ZNF385B: variants seen among roughly 807,000 people sequenced by gnomAD.
ZNF385B encodes zinc finger protein 533.
Under a neutral mutation model 39.2 loss-of-function variants are expected in ZNF385B, and 23 were observed. The ratio of observed to expected loss-of-function variants is 0.59; its 90% CI spans 0.42 to 0.83. ZNF385B has a LOEUF of 0.83. Ranked by LOEUF, ZNF385B falls within the 40% of genes least tolerant of loss-of-function variation. The pLI is 0.00. For missense variants in ZNF385B, 552 were observed against 598.9 expected (o/e 0.92, Z 0.82); for synonymous variants, 205 against 222.6 (o/e 0.92, Z 0.70).
At chr2:179,649,313 T>C (rs1693007712) in intron 3 of ZNF385B, among the ~76,000 whole-genome samples, 1 of 152,350 alleles carries the variant, frequency 6.6e-6, no homozygotes, top group East Asian at 1.9e-4. Flanking sequence ...TATCTATCTA[T>C]ATTAGGGCAA....
intron 6 of ZNF385B, among the ~76,000 whole-genome samples, chr2:179,464,697 A>C (rs1354686697): frequency 6.6e-6 from 1 of 152,070 alleles, no homozygotes; most frequent in Non-Finnish European, 1.5e-5. Context: ...GTTCTGTTCC[A>C]TTAGTCTATA....
At chr2:179,727,693 C>G (rs1701108765) in intron 3 of ZNF385B, among the ~76,000 whole-genome samples, 1 of 151,870 alleles carries the variant, frequency 6.6e-6, no homozygotes, top group Non-Finnish European at 1.5e-5. Context: ...TGAATATGAC[C>G]AAATAAAAAC....
intron 1 of ZNF385B, among the ~76,000 whole-genome samples, chr2:179,782,419 A>G (rs987530184): frequency 2.0e-5 from 3 of 152,256 alleles, no homozygotes; most frequent in East Asian, 3.9e-4. Flanking sequence ...ATTAAAAACC[A>G]GCACAAGACA....
intron 3 of ZNF385B, among the ~76,000 whole-genome samples, chr2:179,592,994 T>C (rs888186013): frequency 6.6e-6 from 1 of 152,122 alleles, no homozygotes; most frequent in African/African-American, 2.4e-5. Flanking sequence ...GAGCTTTATC[T>C]ATCCAACCCA....
chr2:179,473,494 A>C (rs892775316), intron 6 of ZNF385B, among the ~76,000 whole-genome samples: 2 of 152,054 alleles, frequency 1.3e-5, no homozygotes, highest in Non-Finnish European at 2.9e-5. Flanking sequence ...TCCTTACAAC[A>C]ATCCTAGGAG....
intron 3 of ZNF385B, among the ~76,000 whole-genome samples, chr2:179,619,663 C>T (rs1349468404): frequency 6.6e-6 from 1 of 152,180 alleles, no homozygotes; most frequent in Non-Finnish European, 1.5e-5. Context: ...TATGCAGTCA[C>T]TGAAAAGGTA....
At chr2:179,798,331 G>A (rs528381771) in intron 1 of ZNF385B, among the ~76,000 whole-genome samples, 12 of 151,952 alleles carry the variant, frequency 7.9e-5, no homozygotes, top group South Asian at 2.1e-4. Flanking sequence ...AGTGGGACAC[G>A]CCTTTTAAAT....
chr2:179,860,885 AG>A, intron 1 of ZNF385B: 1 of 203,290 alleles, frequency 4.9e-6, no homozygotes, highest in South Asian at 8.4e-5. Context: ...CGCAGGAGTT[AG>A]GATTAGGTCG....
intron 1 of ZNF385B, among the ~76,000 whole-genome samples, chr2:179,845,245 A>T (rs1049350606): frequency 3.3e-5 from 5 of 152,184 alleles, no homozygotes; most frequent in African/African-American, 9.7e-5. Context: ...TCCCAGTTCA[A>T]TTCTTTAGTG....
chr2:179,479,093 A>G lies in ZNF385B; in HGVS notation c.715+4179T>C, dbSNP rs189407085. Among the ~76,000 whole-genome samples, 90 of 152,336 alleles carry G rather than the reference A, an allele frequency of 5.9e-4. 1 individual carries two copies. Among genetic ancestry groups the G allele is most frequent in the Admixed American group, 5.0e-3 (77 of 15,294 alleles). ...CTGATGCATCATTAAAAGTTGGGAC[A>G]GATCCTGGGAGACTATAAAGCCATT... On this transcript the variant is annotated intron_variant, in intron 6 of 9. Transcript: ENST00000410066.
chr2:179,513,694 C>A (rs148602046), intron 5 of ZNF385B, among the ~76,000 whole-genome samples: 1 of 152,310 alleles, frequency 6.6e-6, no homozygotes, highest in Non-Finnish European at 1.5e-5. Context: ...GACAGAGGTA[C>A]TGTGGAAATG....
chr2:179,746,802 C>G (rs1418435369), intron 3 of ZNF385B, among the ~76,000 whole-genome samples: 2 of 152,034 alleles, frequency 1.3e-5, no homozygotes, highest in African/African-American at 4.8e-5. Context: ...GGTCAGAAAG[C>G]AGTATTAGAT....
At chr2:179,741,976 C>G (rs1479999087) in intron 3 of ZNF385B, among the ~76,000 whole-genome samples, 1 of 151,894 alleles carries the variant, frequency 6.6e-6, no homozygotes, top group African/African-American at 2.4e-5. Context: ...ATCTTAACTA[C>G]AACAAAACAA....
At chr2:179,597,375 G>C (rs1688083872) in intron 3 of ZNF385B, among the ~76,000 whole-genome samples, 1 of 152,126 alleles carries the variant, frequency 6.6e-6, no homozygotes, top group Admixed American at 6.6e-5. Flanking sequence ...ACAGTTTAGT[G>C]GTAGCCAAAG....
chr2:179,636,417 G>A (rs193063567), intron 3 of ZNF385B, among the ~76,000 whole-genome samples: 2 of 152,134 alleles, frequency 1.3e-5, no homozygotes, highest in East Asian at 1.9e-4. Flanking sequence ...ATATATCTGC[G>A]ACCCTTAGTC....
intron 3 of ZNF385B, among the ~76,000 whole-genome samples, chr2:179,763,344 C>T (rs1703509515): frequency 6.6e-6 from 1 of 152,166 alleles, no homozygotes; most frequent in South Asian, 2.1e-4. Context: ...CAAGTTGTGT[C>T]ATAATATCAT....
chr2:179,562,821 T>C (rs778139890), intron 3 of ZNF385B, among the ~76,000 whole-genome samples: 1 of 152,176 alleles, frequency 6.6e-6, no homozygotes, highest in Non-Finnish European at 1.5e-5. Flanking sequence ...AAATATCTAC[T>C]TATCACAACA....
At chr2:179,695,704 G>A (rs917392014) in intron 3 of ZNF385B, among the ~76,000 whole-genome samples, 1 of 152,174 alleles carries the variant, frequency 6.6e-6, no homozygotes, top group African/African-American at 2.4e-5. Context: ...AAGTTTTCAT[G>A]AGAACATAGA....
intron 3 of ZNF385B, among the ~76,000 whole-genome samples, chr2:179,670,974 A>G (rs1362393586): frequency 6.6e-5 from 10 of 152,212 alleles, no homozygotes; most frequent in Admixed American, 5.9e-4. Context: ...TAGTTTCTCC[A>G]TCTATGGAAT....
Sources: allele counts gnomAD v4.1 joint callset (sites outside exome capture counted in the v4.1 genomes callset), GRCh38; gene constraint gnomAD v4.1.1; transcripts MANE v1.5; gene names NCBI Gene and HGNC (gene_info 2026-07-23, HGNC 2026-07-21).